MFAP5: variants seen among roughly 807,000 people sequenced by gnomAD.
MFAP5 encodes the protein microfibril associated protein 5.
A neutral mutation model predicts 30.1 loss-of-function variants in MFAP5; 19 were observed. The observed-to-expected ratio is 0.63, with a 90% CI of 0.44 to 0.93. MFAP5 has a LOEUF of 0.93. Ranked by LOEUF, MFAP5 falls within the 40% of genes least tolerant of loss-of-function variation. The pLI, the probability that MFAP5 is intolerant of heterozygous loss-of-function variation, is 0.00. For synonymous variants in MFAP5, 92 were observed against 72.9 expected, an observed-to-expected ratio of 1.26 and a Z score of -1.33; for missense variants, 210 against 221.3, an observed-to-expected ratio of 0.95 and a Z score of 0.32.
At chr12:8,651,577 G>T in intron 7 of MFAP5, 85 bp downstream of exon 7, 1 of 1,329,878 alleles carries the variant, frequency 7.5e-7, no homozygotes, top group Non-Finnish European at 1.1e-6. Flanking sequence ...TAGAAGATGT[G>T]CCAAGTACCC....
chr12:8,656,688 A>G (rs1401449160), intron 3 of MFAP5, among the ~76,000 whole-genome samples: 2 of 135,876 alleles, frequency 1.5e-5, no homozygotes, highest in Non-Finnish European at 3.1e-5. Context: ...TTTGAGACAG[A>G]GTCTGGCTCT....
Position 8,651,241 on chromosome 12 carries a change from G to C in MFAP5, c.247+421C>G. On this transcript the variant is annotated intron_variant, in intron 7 of 9. Transcript: ENST00000359478. ...TGATAATCCCATTCTGAAAGAATCA[G>C]ATTTCTTAGGCAGGTTGCTATTTCT... 1.3e-5 allele frequency among the ~76,000 whole-genome samples: 2 copies of C among 152,196 alleles called. 1 individual carries two copies. The highest frequency in any genetic ancestry group is 2.9e-5 in the Non-Finnish European group (2 of 68,032).
In MFAP5 at chr12:8,656,664, A is replaced by ATTT. The variant is rs1270184257; in HGVS notation, c.95-835_95-834insAAA. On this transcript the variant is annotated intron_variant, in intron 3 of 9. Transcript: ENST00000359478. ...CACACACACACATATATATATATAT[A>ATTT]TATATTTTTTTTTTTTGAGACAGAG... Among the ~76,000 whole-genome samples the ATTT allele has an allele frequency of 9.5e-5, 12 of 126,828 alleles. 1 individual carries two copies. Among genetic ancestry groups the ATTT allele is most frequent in the African/African-American group, 3.1e-4 (10 of 32,006 alleles). The allele number at this position is 126,828 out of a possible 152,430, so 83.2% of individuals were successfully genotyped here.
At position 8,648,061 on chromosome 12, in the gene MFAP5, C is replaced by A. The variant is rs776701699; in HGVS notation, c.*30G>T. 1 of 1,533,012 alleles carries A rather than the reference C, an allele frequency of 6.5e-7. No homozygotes were observed. Among genetic ancestry groups the A allele is most frequent in the Middle Eastern group, 1.7e-4 (1 of 5,908 alleles). The allele number at this position is 1,533,012 out of a possible 1,614,324, so 95.0% of individuals were successfully genotyped here. Reference sequence around the variant, plus strand: ...GAGATCCTCCTTCCTCTCACCCATACATTTTTTCTTCTTTCCTCTTTTTCA... The same window carrying A: ...GAGATCCTCCTTCCTCTCACCCATAAATTTTTTCTTCTTTCCTCTTTTTCA... On this transcript the variant is annotated 3_prime_UTR_variant, in exon 10 of 10. Coordinates refer to ENST00000359478, the MANE Select transcript of MFAP5 (RefSeq NM_003480.4).
chr12:8,655,390 T>G (rs1349240763), intron 5 of MFAP5, 25 bp downstream of exon 5: 3 of 1,573,144 alleles, frequency 1.9e-6, no homozygotes, highest in Non-Finnish European at 2.6e-6. Context: ...CATGCCATTT[T>G]TTTTTTAACT....
At chr12:8,656,668 A>ATATATTTT (rs1174790172) in intron 3 of MFAP5, among the ~76,000 whole-genome samples, 3 of 118,784 alleles carry the variant, frequency 2.5e-5, no homozygotes, top group African/African-American at 1.1e-4. Flanking sequence ...ATATATATAT[A>ATATATTTT]TTTTTTTTTT....
chr12:8,661,069 C>T (rs752596501), intron 2 of MFAP5, among the ~76,000 whole-genome samples, 171 bp from the exon 3 acceptor site: 2 of 152,210 alleles, frequency 1.3e-5, no homozygotes, highest in Admixed American at 1.3e-4. Context: ...ATGAACAAAA[C>T]CAATAGGAAT....
intron 8 of MFAP5, 167 bp downstream of exon 8, chr12:8,650,335 C>T: frequency 1.6e-6 from 1 of 637,640 alleles, no homozygotes; most frequent in Non-Finnish European, 2.8e-6. Context: ...ACACTTCAGC[C>T]CATACTCCAG....
At chr12:8,653,611 C>A (rs1941900314) in intron 6 of MFAP5, among the ~76,000 whole-genome samples, 1 of 152,128 alleles carries the variant, frequency 6.6e-6, no homozygotes, top group African/African-American at 2.4e-5. Flanking sequence ...GTCAAATGTG[C>A]CCTCCACAAA....
intron 2 of MFAP5, among the ~76,000 whole-genome samples, chr12:8,661,550 CTT>C (rs34808495): frequency 2.8e-5 from 4 of 141,756 alleles, no homozygotes; most frequent in East Asian, 2.0e-4. Context: ...TTCTTTTTTC[CTT>C]TTTTTTTTTA....
chr12:8,660,891 T>C lies in MFAP5; in HGVS notation c.66A>G (p.Ile22Met), dbSNP rs1329132833. 4 of 1,612,252 alleles carry C rather than the reference T, an allele frequency of 2.5e-6. No individual in the cohort carries two copies. Among genetic ancestry groups the C allele is most frequent in the Non-Finnish European group, 3.4e-6 (4 of 1,178,640 alleles). The stretch of plus-strand genomic sequence containing the variant: ...CTCGTTGACTATTGACCCCCAGGGG[T>C]ATCCAGTCTATAGCAAAGGAAGAGA... Reference protein sequence around the residue: ...LAAFIITSDWIPLGVNSQRGD... With the variant: ...LAAFIITSDWMPLGVNSQRGD... Residue 22 changes from isoleucine to methionine, a missense_variant, in exon 3 of 10, where the codon ATA becomes ATG. Coordinates refer to ENST00000359478, the MANE Select transcript of MFAP5 (RefSeq NM_003480.4).
rs1026335255 is a variant in MFAP5, at chr12:8,646,343, A to G, written c.*1748T>C. 5.9e-5 allele frequency: 9 copies of G among 152,068 alleles called. No homozygotes were observed. The highest frequency in any genetic ancestry group is 1.0e-4 in the Non-Finnish European group (7 of 68,018). The allele number at this position is 152,068 out of a possible 1,614,324, so 9.4% of individuals were successfully genotyped here. On this transcript the variant is annotated 3_prime_UTR_variant, in exon 10 of 10. Coordinates refer to ENST00000359478, the MANE Select transcript of MFAP5 (RefSeq NM_003480.4). ...TTCTCAGCAATATAAAAGGAATACA[A>G]CCTCCACTGTCATATATAACTTGTT...
intron 4 of MFAP5, 96 bp downstream of exon 4, chr12:8,655,689 AC>A (rs1941962754): frequency 7.0e-7 from 1 of 1,424,494 alleles, no homozygotes; most frequent in Non-Finnish European, 9.7e-7. Flanking sequence ...GCACCCTCCA[AC>A]CCTTCTGAAG....
At chr12:8,649,915 T>C (rs1402577118) in intron 8 of MFAP5, among the ~76,000 whole-genome samples, 2 of 152,042 alleles carry the variant, frequency 1.3e-5, no homozygotes, top group Non-Finnish European at 2.9e-5. Flanking sequence ...ATGTGTAGCC[T>C]TTATCCCTCA....
At chr12:8,651,712 T>G (rs769322085) in intron 6 of MFAP5, 21 bp from the exon 7 acceptor site, 2 of 1,610,832 alleles carry the variant, frequency 1.2e-6, no homozygotes, top group Non-Finnish European at 1.7e-6. Context: ...GAAATTTTAT[T>G]CCACTGTTAC....
chr12:8,660,028 G>A (rs1028288192), intron 3 of MFAP5, among the ~76,000 whole-genome samples: 1 of 152,114 alleles, frequency 6.6e-6, no homozygotes, highest in African/African-American at 2.4e-5. Context: ...TCATGAAGTC[G>A]AAGGAAGTGG....
intron 3 of MFAP5, among the ~76,000 whole-genome samples, chr12:8,656,431 T>A (rs1941989718): frequency 7.0e-6 from 1 of 143,222 alleles, no homozygotes. Context: ...TTTTTTTTTT[T>A]AAGAGTCTCG....
intron 6 of MFAP5, among the ~76,000 whole-genome samples, chr12:8,653,625 C>G (rs923955660): frequency 1.3e-5 from 2 of 152,174 alleles, no homozygotes; most frequent in African/African-American, 2.4e-5. Context: ...CCACAAAAAA[C>G]CTTTTCTCAC....
chr12:8,655,905 T>C (rs1049678783), intron 3 of MFAP5, 75 bp from the exon 4 acceptor site: 2 of 1,347,352 alleles, frequency 1.5e-6, no homozygotes, highest in African/African-American at 1.4e-5. Flanking sequence ...GTAAGTTAAA[T>C]TGCGAAGCAT....
Sources: allele counts gnomAD v4.1 joint callset (sites outside exome capture counted in the v4.1 genomes callset), GRCh38; gene constraint gnomAD v4.1.1; transcripts MANE v1.5; gene names NCBI Gene and HGNC (gene_info 2026-07-23, HGNC 2026-07-21).